Variants in PHF3 observed in about 807,000 individuals in gnomAD.
The protein encoded by PHF3 is PHD finger protein 3.
A neutral mutation model predicts 178.4 loss-of-function variants in PHF3; 41 were observed. The observed-to-expected ratio is 0.23, with a 90% CI of 0.18 to 0.30. The LOEUF is 0.30. Among genes scored for constraint, PHF3 ranks in the 10% least tolerant of loss-of-function variants. The pLI is 1.00. For missense variants in PHF3, 2,346 were observed against 2,398.1 expected (o/e 0.98, Z 0.45); for synonymous variants, 842 against 800.5 (o/e 1.05, Z -0.88).
chr6:63,711,565 G>T, intron 15 of PHF3, 21 bp from the exon 16 acceptor site: 1 of 1,532,798 alleles, frequency 6.5e-7, no homozygotes, highest in South Asian at 1.3e-5. Context: ...TGAATTAATT[G>T]ATGTTTTTGG....
intron 2 of PHF3, among the ~76,000 whole-genome samples, chr6:63,674,133 A>G (rs959634737): frequency 1.3e-5 from 2 of 151,932 alleles, no homozygotes; most frequent in East Asian, 3.9e-4. Flanking sequence ...AAATCCACAC[A>G]GTATTCAAGC....
chr6:63,687,340 C>T (rs973973168), intron 4 of PHF3, among the ~76,000 whole-genome samples: 1 of 152,192 alleles, frequency 6.6e-6, no homozygotes, highest in Non-Finnish European at 1.5e-5. Context: ...ATGAGAATCA[C>T]TTGAACCTGA....
At chr6:63,675,600 T>C (rs543355892) in intron 2 of PHF3, among the ~76,000 whole-genome samples, 4 of 152,150 alleles carry the variant, frequency 2.6e-5, no homozygotes, top group African/African-American at 9.7e-5. Flanking sequence ...GAAGGAAGTG[T>C]GTTGTCAGGA....
chr6:63,718,771 G>A lies in PHF3; in HGVS notation c.*5063G>A, dbSNP rs1212859624. ...CACACTTTATTATGAGAGAACACATGGCCGAATATGATGGGAGTGTGGTTC... is the reference window on the plus strand; with the variant it reads ...CACACTTTATTATGAGAGAACACATAGCCGAATATGATGGGAGTGTGGTTC... On this transcript the variant is annotated 3_prime_UTR_variant, in exon 16 of 16. Transcript: ENST00000262043. Among the ~76,000 whole-genome samples, 1 of 151,964 alleles carries A rather than the reference G, an allele frequency of 6.6e-6. No individual in the cohort carries two copies.
At chr6:63,665,749 A>G (rs1035495394) in intron 2 of PHF3, among the ~76,000 whole-genome samples, 1 of 152,108 alleles carries the variant, frequency 6.6e-6, no homozygotes, top group South Asian at 2.1e-4. Flanking sequence ...TCAGCCTCCC[A>G]AAGTGCTAGG....
At position 63,720,535 on chromosome 6, in the gene PHF3, GAAAT is replaced by G; in HGVS notation, c.*6830_*6833del. On this transcript the variant is annotated 3_prime_UTR_variant, in exon 16 of 16. Coordinates refer to ENST00000262043, the MANE Select transcript of PHF3 (RefSeq NM_001370348.2). ...GATTCCCCGTAAGCAATGTATCAAA[GAAAT>G]AACTATCAAAATAACTGCATTTATG... is the stretch of plus-strand genomic sequence containing the variant. 8.0e-7 allele frequency: 1 copy of G among 1,250,946 alleles called. No homozygotes were observed. The highest frequency in any genetic ancestry group is 1.1e-6 in the Non-Finnish European group (1 of 926,058). 77.5% of individuals were successfully genotyped at this position (1,250,946 alleles called of 1,614,324 possible). A position where few individuals can be genotyped will look rare whatever the true frequency, so the allele number is the denominator to read the frequency against.
At chr6:63,669,934 A>G (rs763499039) in intron 2 of PHF3, among the ~76,000 whole-genome samples, 1 of 152,152 alleles carries the variant, frequency 6.6e-6, no homozygotes, top group Non-Finnish European at 1.5e-5. Flanking sequence ...TCCAAGTTGT[A>G]GTAATTCTCT....
chr6:63,637,557 A>G (rs115801261), intron 1 of PHF3, among the ~76,000 whole-genome samples: 1,834 of 152,326 alleles, frequency 0.012, 39 homozygotes, highest in African/African-American at 0.042. Context: ...AAGTTTAGTT[A>G]TCACTTAGAC....
chr6:63,688,151 A>T (rs897368038), intron 4 of PHF3, among the ~76,000 whole-genome samples: 1 of 128,348 alleles, frequency 7.8e-6, no homozygotes, highest in Non-Finnish European at 1.6e-5. Context: ...ATGCTACTCC[A>T]CTTCAGCCTG....
At position 63,713,571 on chromosome 6, in the gene PHF3, A is replaced by G; in HGVS notation, c.5983A>G (p.Lys1995Glu). 1 of 1,613,740 alleles carries G rather than the reference A, an allele frequency of 6.2e-7. No homozygotes were observed. Among genetic ancestry groups the G allele is most frequent in the Non-Finnish European group, 8.5e-7 (1 of 1,179,888 alleles). ...CAGAGATAGTAGGAATGTAGACAAG[A>G]AGCCAGATAAACCTAAAAGTGAAGA... is the stretch of plus-strand genomic sequence containing the variant. ...ASRDSRNVDK[K>E]PDKPKSEDYE... The change falls in exon 16 of 16, where the codon AAG (lysine) becomes GAG (glutamate). Residue 1995 changes from lysine (K) to glutamate (E), a missense_variant. Around this residue, in one of 8 missense-constraint regions of PHF3, gnomAD observed 839 missense variants for 806.9 expected, o/e 1.04. Coordinates refer to ENST00000262043, the MANE Select transcript of PHF3 (RefSeq NM_001370348.2).
At chr6:63,689,570 T>G (rs1408598711) in intron 4 of PHF3, among the ~76,000 whole-genome samples, 1 of 152,196 alleles carries the variant, frequency 6.6e-6, no homozygotes, top group East Asian at 1.9e-4. Context: ...TCTCAAAAAC[T>G]CTTAAAACTG....
At chr6:63,695,808 T>C (rs921736410) in intron 6 of PHF3, among the ~76,000 whole-genome samples, 5 of 152,110 alleles carry the variant, frequency 3.3e-5, no homozygotes, top group Non-Finnish European at 7.4e-5. Context: ...GGGTTAGATA[T>C]AGGTTGGTAT....
chr6:63,637,263 G>C (rs1306890333), intron 1 of PHF3, among the ~76,000 whole-genome samples: 1 of 152,182 alleles, frequency 6.6e-6, no homozygotes, highest in Non-Finnish European at 1.5e-5. Flanking sequence ...GTTGTATTTA[G>C]TTACTATTTT....
chr6:63,703,390 A>T (rs1033064422), intron 10 of PHF3, 146 bp from the exon 11 acceptor site: 2 of 754,854 alleles, frequency 2.6e-6, no homozygotes, highest in Non-Finnish European at 4.1e-6. Context: ...AAGAAATAGT[A>T]AAAAAAAACC....
At chr6:63,692,734 C>A (rs1767062218) in intron 5 of PHF3, among the ~76,000 whole-genome samples, 1 of 152,082 alleles carries the variant, frequency 6.6e-6, no homozygotes. Context: ...ATTAATATGC[C>A]TTACAACATT....
rs190376408 is a variant in PHF3, at chr6:63,707,953, G to C, written c.3711+1077G>C. 1.7e-3 allele frequency among the ~76,000 whole-genome samples: 254 copies of C among 152,056 alleles called. 2 individuals are homozygous for C. Among genetic ancestry groups the C allele is most frequent in the South Asian group, 9.6e-3 (46 of 4,808 alleles). On this transcript the variant is annotated intron_variant, in intron 13 of 15. Transcript: ENST00000262043. ...GTGATCTTGGCTTGCTGCAATGTCT[G>C]CCTCCCGGGTTCAACCATTCTCCTG... is the stretch of plus-strand genomic sequence containing the variant.
At chr6:63,652,913 A>G (rs571741707) in intron 2 of PHF3, among the ~76,000 whole-genome samples, 8 of 151,816 alleles carry the variant, frequency 5.3e-5, no homozygotes, top group Admixed American at 1.3e-4. Context: ...GGCCAGTACC[A>G]TGCTGTATTG....
intron 2 of PHF3, among the ~76,000 whole-genome samples, chr6:63,669,022 A>G (rs1426471917): frequency 6.6e-6 from 1 of 152,230 alleles, no homozygotes; most frequent in Non-Finnish European, 1.5e-5. Flanking sequence ...GGTTTGGTAG[A>G]AAATTTTTCC....
chr6:63,688,941 C>T (rs970870832), intron 4 of PHF3, among the ~76,000 whole-genome samples: 1 of 152,174 alleles, frequency 6.6e-6, no homozygotes, highest in East Asian at 1.9e-4. Context: ...TATCATTTTA[C>T]GTATTGCAGT....
Sources: gnomAD v4.1 joint callset for allele counts (sites outside exome capture counted in the v4.1 genomes callset) on GRCh38, gnomAD v4.1.1 for gene constraint, gnomAD v4.1.1 regional missense constraint, MANE v1.5 for transcripts, NCBI Gene and HGNC (gene_info 2026-07-23, HGNC 2026-07-21) for gene names.